GPC6: variants seen among roughly 807,000 people sequenced by gnomAD.
GPC6 encodes the protein glypican-6.
Under a neutral mutation model 55.2 loss-of-function variants are expected in GPC6, and 14 were observed. That is an observed-to-expected ratio of 0.25 (90% confidence interval 0.17 to 0.40). GPC6 has a LOEUF of 0.40. Among genes scored for constraint, GPC6 ranks in the 10% least tolerant of loss-of-function variants. GPC6 has a pLI of 1.00. For missense variants in GPC6, 641 were observed against 708.5 expected (o/e 0.90, Z 1.08); for synonymous variants, 278 against 259.6 (o/e 1.07, Z -0.68).
chr13:94,041,341 G>A (rs1883525163), intron 4 of GPC6, among the ~76,000 whole-genome samples: 1 of 151,746 alleles, frequency 6.6e-6, no homozygotes, highest in South Asian at 2.1e-4. Context: ...TGATAAATCT[G>A]TATCCATTTA....
chr13:93,377,409 C>G (rs992273723), intron 1 of GPC6, among the ~76,000 whole-genome samples: 1 of 152,178 alleles, frequency 6.6e-6, no homozygotes, highest in Non-Finnish European at 1.5e-5. Flanking sequence ...GTGTCTTGCA[C>G]AATCCCCTAG....
intron 3 of GPC6, among the ~76,000 whole-genome samples, chr13:93,867,040 C>T (rs1008554712): frequency 6.6e-6 from 1 of 151,524 alleles, no homozygotes; most frequent in Non-Finnish European, 1.5e-5. Context: ...AGTGCTTGTC[C>T]AGGGTTAGTG....
rs141589965 is a variant in GPC6, at chr13:94,124,630, G to A, written c.877+96736G>A. Reference sequence around the variant, plus strand: ...GGGGAAACGGGTCAAGAGAAGGCTGGCGAGGCAGAAAGGAGGTACACTGGG... The same window carrying A: ...GGGGAAACGGGTCAAGAGAAGGCTGACGAGGCAGAAAGGAGGTACACTGGG... On this transcript the variant is annotated intron_variant, in intron 4 of 8. Transcript: ENST00000377047. 2.0e-5 allele frequency among the ~76,000 whole-genome samples: 3 copies of A among 152,180 alleles called. No individual in the cohort carries two copies. In the East Asian group the frequency reaches 5.8e-4, roughly 29 times the overall value.
chr13:93,510,125 T>A (rs1446292472), intron 1 of GPC6, among the ~76,000 whole-genome samples: 1 of 152,184 alleles, frequency 6.6e-6, no homozygotes, highest in African/African-American at 2.4e-5. Context: ...TTTGGCATAA[T>A]TTTATGGGTT....
chr13:93,985,817 A>G (rs765693393), intron 3 of GPC6, among the ~76,000 whole-genome samples: 2 of 151,876 alleles, frequency 1.3e-5, no homozygotes, highest in Non-Finnish European at 2.9e-5. Flanking sequence ...ATGCCAGGCT[A>G]TAGAAATATG....
intron 6 of GPC6, among the ~76,000 whole-genome samples, chr13:94,311,901 G>C (rs1368735326): frequency 1.3e-5 from 2 of 152,192 alleles, no homozygotes; most frequent in Non-Finnish European, 2.9e-5. Flanking sequence ...TCAGGGTTCT[G>C]TTCGATTGGT....
At chr13:94,116,525 A>G (rs1886434484) in intron 4 of GPC6, among the ~76,000 whole-genome samples, 1 of 152,106 alleles carries the variant, frequency 6.6e-6, no homozygotes, top group Admixed American at 6.6e-5. Context: ...GTTAATAAAT[A>G]TGACCATGTA....
intron 1 of GPC6, among the ~76,000 whole-genome samples, chr13:93,361,936 A>G (rs1227632633): frequency 6.6e-6 from 1 of 152,110 alleles, no homozygotes; most frequent in Admixed American, 6.6e-5. Flanking sequence ...TGTTTTGTTT[A>G]CTCTTGGTTG....
At chr13:93,416,807 G>C (rs771757276) in intron 1 of GPC6, among the ~76,000 whole-genome samples, 7 of 151,926 alleles carry the variant, frequency 4.6e-5, no homozygotes, top group Non-Finnish European at 1.0e-4. Flanking sequence ...CAACCCCCCT[G>C]TTATTATAGA....
chr13:94,220,603 C>T (rs184065758), intron 4 of GPC6, among the ~76,000 whole-genome samples: 2 of 152,134 alleles, frequency 1.3e-5, no homozygotes, highest in African/African-American at 4.8e-5. Flanking sequence ...CTTATTGTCT[C>T]ATAGTCCTGG....
intron 1 of GPC6, among the ~76,000 whole-genome samples, chr13:93,421,939 C>T (rs1876938430): frequency 6.6e-6 from 1 of 152,040 alleles, no homozygotes; most frequent in South Asian, 2.1e-4. Context: ...ATTTTTTCTC[C>T]TGACCTTGGT....
chr13:93,314,902 T>G (rs9556278), intron 1 of GPC6, among the ~76,000 whole-genome samples: 33,238 of 151,986 alleles, frequency 0.22, 3,675 homozygotes, highest in East Asian at 0.3. Flanking sequence ...TTTTGTTTTG[T>G]TTGTTTGTTT....
intron 4 of GPC6, among the ~76,000 whole-genome samples, chr13:94,273,355 T>C (rs897278463): frequency 9.9e-5 from 15 of 152,200 alleles, no homozygotes; most frequent in Non-Finnish European, 1.5e-4. Context: ...AATGTGCAAG[T>C]TAATAAAGAG....
Position 93,546,104 on chromosome 13 carries a change from C to T in GPC6, c.319+683C>T, listed in dbSNP as rs528044980. ...TTTGATTCTTTGTAAGCAGTATCAA[C>T]AATGATAACAATAAATTTAGTATTT... On this transcript the variant is annotated intron_variant, in intron 2 of 8. Coordinates refer to ENST00000377047, the MANE Select transcript of GPC6 (RefSeq NM_005708.5). 2.6e-5 allele frequency among the ~76,000 whole-genome samples: 4 copies of T among 152,252 alleles called. 1 individual carries two copies. The highest frequency in any genetic ancestry group is 9.6e-5 in the African/African-American group (4 of 41,554).
chr13:94,338,983 G>T (rs1877876351), intron 6 of GPC6, among the ~76,000 whole-genome samples: 1 of 152,194 alleles, frequency 6.6e-6, no homozygotes, highest in African/African-American at 2.4e-5. Flanking sequence ...TCTAGCCATT[G>T]ACCTAGCTGG....
intron 1 of GPC6, among the ~76,000 whole-genome samples, chr13:93,398,257 G>A (rs1875937854): frequency 1.3e-5 from 2 of 152,160 alleles, no homozygotes; most frequent in Admixed American, 1.3e-4. Context: ...TCTCATCACA[G>A]TCTCTCCCAT....
intron 2 of GPC6, among the ~76,000 whole-genome samples, chr13:93,737,418 G>T (rs1363679215): frequency 6.6e-6 from 1 of 152,038 alleles, no homozygotes; most frequent in Non-Finnish European, 1.5e-5. Flanking sequence ...GTTCTCAAAG[G>T]TACTTCAATT....
intron 1 of GPC6, among the ~76,000 whole-genome samples, chr13:93,241,443 T>C (rs1876425610): frequency 6.6e-6 from 1 of 152,234 alleles, no homozygotes; most frequent in Non-Finnish European, 1.5e-5. Flanking sequence ...GTAAAACTTT[T>C]CACTGCATTT....
chr13:93,285,132 G>T (rs1032057902), intron 1 of GPC6, among the ~76,000 whole-genome samples: 1 of 152,170 alleles, frequency 6.6e-6, no homozygotes, highest in Non-Finnish European at 1.5e-5. Flanking sequence ...TTTAAGTCCA[G>T]TGAGTTCCGG....
Sources: gnomAD v4.1 joint callset for allele counts (sites outside exome capture counted in the v4.1 genomes callset) on GRCh38, gnomAD v4.1.1 for gene constraint, MANE v1.5 for transcripts, NCBI Gene and HGNC (gene_info 2026-07-23, HGNC 2026-07-21) for gene names.